Variants in APAF1 observed in about 807,000 individuals in gnomAD.
APAF1 encodes the protein apoptotic peptidase activating factor 1.
APAF1 carries 91 observed loss-of-function variants against 152.4 expected under a neutral mutation model. The ratio of observed to expected loss-of-function variants is 0.60; its 90% CI spans 0.50 to 0.71. APAF1 has a LOEUF of 0.71. Ranked by LOEUF, APAF1 falls within the 30% of genes least tolerant of loss-of-function variation. The pLI, the probability that APAF1 is intolerant of heterozygous loss-of-function variation, is 0.00. For missense variants in APAF1, 1,283 were observed against 1,472.0 expected (o/e 0.87, Z 2.10); for synonymous variants, 484 against 494.1 (o/e 0.98, Z 0.27).
intron 14 of APAF1, among the ~76,000 whole-genome samples, chr12:98,682,846 G>T (rs2097693881): frequency 6.6e-6 from 1 of 152,134 alleles, no homozygotes; most frequent in African/African-American, 2.4e-5. Flanking sequence ...TTCTCTGCCT[G>T]CTTTCATTCA....
intron 5 of APAF1, 90 bp downstream of exon 5, chr12:98,659,433 C>T (rs2097661937): frequency 1.5e-6 from 2 of 1,356,382 alleles, no homozygotes; most frequent in East Asian, 2.3e-5. Context: ...TGCCTTTTTC[C>T]TGCTGTTCTA....
At chr12:98,723,389 A>G in intron 23 of APAF1, 77 bp downstream of exon 23, 1 of 1,481,520 alleles carries the variant, frequency 6.7e-7, no homozygotes, top group South Asian at 1.2e-5. Context: ...GTCAAAAGCC[A>G]CTGTGAGGCT....
chr12:98,648,816 G>A lies in APAF1; in HGVS notation c.328+1G>A, dbSNP rs1487517063. ...TCAGTTAGTGGAATAACTTCGTATG[G>A]TTTGTATCCATTATACCTTCTATCA... On this transcript the variant is annotated splice_donor_variant, in intron 3 of 26. Coordinates refer to ENST00000551964, the MANE Select transcript of APAF1 (RefSeq NM_181861.2). LOFTEE classifies it high-confidence loss of function. 6.2e-7 allele frequency: 1 copy of A among 1,613,094 alleles called. No individual in the cohort carries two copies. Among genetic ancestry groups the A allele is most frequent in the East Asian group, 2.2e-5 (1 of 44,842 alleles).
intron 16 of APAF1, among the ~76,000 whole-genome samples, chr12:98,692,862 T>G (rs556752448): frequency 5.3e-5 from 8 of 152,212 alleles, no homozygotes; most frequent in Non-Finnish European, 8.8e-5. Flanking sequence ...CAAGTGCATG[T>G]GTCTTTTTGG....
intron 12 of APAF1, among the ~76,000 whole-genome samples, chr12:98,673,449 A>C (rs28544215): frequency 4.3e-4 from 66 of 151,996 alleles, no homozygotes; most frequent in African/African-American, 1.4e-3. Context: ...AAACAAAAAA[A>C]AAAAAAACAA....
At chr12:98,714,229 TTAAAAA>T (rs1442767403) in intron 21 of APAF1, among the ~76,000 whole-genome samples, 3 of 152,198 alleles carry the variant, frequency 2.0e-5, no homozygotes, top group African/African-American at 4.8e-5. Flanking sequence ...TTTAGATAGT[TTAAAAA>T]TAAACTCACA....
chr12:98,682,814 T>C (rs2097693826), intron 14 of APAF1, among the ~76,000 whole-genome samples: 1 of 152,212 alleles, frequency 6.6e-6, no homozygotes, highest in African/African-American at 2.4e-5. Context: ...AGAAATCTAT[T>C]ATGCTAACCT....
rs2097680089 is a variant in APAF1 at position 98,671,536 on chromosome 12, A to G, written c.1610A>G (p.Asp537Gly). Residue 537 changes from aspartate (D) to glycine (G), a missense_variant and splice_region_variant, in exon 12 of 27, where the codon GAT becomes GGT. Transcript: ENST00000551964. ...TAAGAGATTTCAGTTTATTTGTAGG[A>G]TTGTGCAGTCAGTGAGAATTTTCAG... ...VEYRHILDEK[D>G]CAVSENFQEF... 1.2e-6 allele frequency: 2 copies of G among 1,613,564 alleles called. No individual in the cohort carries two copies. Among genetic ancestry groups the G allele is most frequent in the African/African-American group, 2.7e-5 (2 of 74,884 alleles).
intron 22 of APAF1, among the ~76,000 whole-genome samples, chr12:98,721,678 C>T (rs1323701475): frequency 6.6e-6 from 1 of 152,096 alleles, no homozygotes; most frequent in African/African-American, 2.4e-5. Flanking sequence ...AGTTCTCTTG[C>T]TTGCATACAA....
At chr12:98,683,005 A>G (rs2097694073) in intron 14 of APAF1, 138 bp from the exon 15 acceptor site, 2 of 722,442 alleles carry the variant, frequency 2.8e-6, no homozygotes, top group African/African-American at 1.8e-5. Context: ...GAGAGGTTTC[A>G]TTAGCATCTT....
intron 4 of APAF1, among the ~76,000 whole-genome samples, chr12:98,652,340 A>T (rs1392574640): frequency 1.3e-5 from 2 of 152,180 alleles, no homozygotes; most frequent in Admixed American, 6.5e-5. Context: ...GGGGACTCCG[A>T]TAATTCTACT....
chr12:98,715,366 G>A, intron 21 of APAF1, 61 bp from the exon 22 acceptor site: 1 of 1,536,024 alleles, frequency 6.5e-7, no homozygotes, highest in Non-Finnish European at 8.9e-7. Flanking sequence ...ATATCTTTGG[G>A]GTGTAATGCC....
intron 16 of APAF1, among the ~76,000 whole-genome samples, chr12:98,687,762 G>A (rs895211457): frequency 2.0e-5 from 3 of 152,116 alleles, no homozygotes; most frequent in Admixed American, 6.5e-5. Flanking sequence ...TGGGGGACAC[G>A]TTTAAACCAC....
In APAF1 at chr12:98,662,715, G is replaced by A. The variant is rs138616141; in HGVS notation, c.864G>A (p.Lys288=). The change falls in exon 7 of 27, where the codon AAG becomes AAA. Residue 288 remains lysine, a synonymous_variant. Coordinates refer to ENST00000551964, the MANE Select transcript of APAF1 (RefSeq NM_181861.2). ...YVVPVESSLG[K]EKGLEILSLF... The stretch of plus-strand genomic sequence containing the variant: ...TCCCTGTGGAGAGTTCCTTAGGAAA[G>A]GAAAAAGGACTTGAAATTTTATCCC... The A allele has an allele frequency of 8.7e-5, 140 of 1,612,916 alleles. No homozygotes were observed. Among genetic ancestry groups the A allele is most frequent in the Non-Finnish European group, 1.2e-4 (139 of 1,179,624 alleles).
rs182804545 is a variant in APAF1, at chr12:98,688,404, G to A, written c.2304+1531G>A. Among the ~76,000 whole-genome samples the A allele has an allele frequency of 2.2e-4, 33 of 151,874 alleles. No individual in the cohort carries two copies. In the East Asian group the frequency reaches 5.8e-3, roughly 27 times the overall value. On this transcript the variant is annotated intron_variant, in intron 16 of 26. Coordinates refer to ENST00000551964, the MANE Select transcript of APAF1 (RefSeq NM_181861.2). ...ATGCCTGATAGCAACCATCTAAGAT[G>A]CATTCTGCATCTCTTCTTATCTAAG...
At chr12:98,661,767 T>G (rs1001590187) in intron 5 of APAF1, among the ~76,000 whole-genome samples, 2 of 151,992 alleles carry the variant, frequency 1.3e-5, no homozygotes, top group Non-Finnish European at 2.9e-5. Context: ...TTTTTTTTTT[T>G]GTAATGCACA....
chr12:98,691,151 A>G (rs1355137728), intron 16 of APAF1, among the ~76,000 whole-genome samples: 2 of 152,134 alleles, frequency 1.3e-5, no homozygotes, highest in Non-Finnish European at 2.9e-5. Flanking sequence ...AAGTTGCAGT[A>G]AGCTGAGATT....
intron 18 of APAF1, among the ~76,000 whole-genome samples, chr12:98,706,239 G>A (rs748239831): frequency 6.6e-6 from 1 of 152,108 alleles, no homozygotes; most frequent in African/African-American, 2.4e-5. Flanking sequence ...ATTCCATTAT[G>A]TGATTAATGT....
chr12:98,696,384 A>G (rs1002296924), intron 16 of APAF1, among the ~76,000 whole-genome samples: 11 of 152,198 alleles, frequency 7.2e-5, no homozygotes, highest in African/African-American at 2.2e-4. Context: ...ATCCATTCCC[A>G]GGGAACTCAC....
Sources: allele counts gnomAD v4.1 joint callset (sites outside exome capture counted in the v4.1 genomes callset), GRCh38; gene constraint gnomAD v4.1.1; transcripts MANE v1.5; gene names NCBI Gene and HGNC (gene_info 2026-07-23, HGNC 2026-07-21).